The following POLB variants were observed in gnomAD, a reference collection of about 807,000 sequenced individuals.
The protein encoded by POLB is 5'-dRP lyase.
Under a neutral mutation model 52.7 loss-of-function variants are expected in POLB, and 37 were observed. The ratio of observed to expected loss-of-function variants is 0.70; its 90% CI spans 0.54 to 0.92. The LOEUF is 0.92. POLB is among the 40% of genes least tolerant of loss of function. The probability of loss-of-function intolerance (pLI) is 0.00; values close to 1 mark genes in which losing one functional copy is unlikely to be tolerated. For synonymous variants in POLB, 138 were observed against 131.3 expected, an observed-to-expected ratio of 1.05 and a Z score of -0.35; for missense variants, 313 against 400.8, an observed-to-expected ratio of 0.78 and a Z score of 1.87.
chr8:42,352,673 T>C, intron 6 of POLB, 105 bp downstream of exon 6: 2 of 735,602 alleles, frequency 2.7e-6, no homozygotes, highest in African/African-American at 1.8e-5. Context: ...AATCAGTAGA[T>C]ACAAAAGATA....
At chr8:42,371,425 C>CT (rs1046325158) in intron 13 of POLB, 138 bp from the exon 14 acceptor site, 18,353 of 359,858 alleles carry the variant, frequency 0.051, 2 homozygotes, top group Middle Eastern at 0.083. Flanking sequence ...ATCCGCCGGT[C>CT]TTTTTTTTTT....
rs116771501 is a variant in POLB, at chr8:42,340,463, C to T, written c.119+1394C>T. Among the ~76,000 whole-genome samples the T allele has an allele frequency of 3.7e-3, 560 of 152,222 alleles. 3 individuals carry two copies. Among genetic ancestry groups the T allele is most frequent in the African/African-American group, 0.013 (529 of 41,518 alleles). ...TATTTAGACTTGTATCTCCCATATC[C>T]CTAAGATATCTTATTATGTATACGC... On this transcript the variant is annotated intron_variant, in intron 2 of 13. Coordinates refer to ENST00000265421, the MANE Select transcript of POLB (RefSeq NM_002690.3).
intron 9 of POLB, among the ~76,000 whole-genome samples, chr8:42,358,361 G>C (rs936274669): frequency 1.3e-5 from 2 of 152,014 alleles, no homozygotes; most frequent in Non-Finnish European, 2.9e-5. Flanking sequence ...AATTAGCCAA[G>C]CGTAGTGGTG....
chr8:42,359,177 GA>G (rs1192958453), intron 9 of POLB, among the ~76,000 whole-genome samples: 7 of 152,028 alleles, frequency 4.6e-5, no homozygotes, highest in African/African-American at 1.4e-4. Context: ...CTTCCCTATG[GA>G]TTCTTGTAAC....
intron 7 of POLB, 101 bp downstream of exon 7, chr8:42,355,668 A>G: frequency 2.9e-6 from 2 of 685,150 alleles, no homozygotes; most frequent in East Asian, 2.7e-5. Context: ...TAGCTAAACC[A>G]CAACCATTTT....
intron 6 of POLB, chr8:42,354,500 A>C (rs1349827687): frequency 1.6e-6 from 2 of 1,261,538 alleles, no homozygotes. Context: ...TGTTATGACA[A>C]TTCTTAAGTT....
chr8:42,340,879 T>C (rs898986579), intron 2 of POLB, among the ~76,000 whole-genome samples: 2 of 152,246 alleles, frequency 1.3e-5, no homozygotes, highest in African/African-American at 4.8e-5. Flanking sequence ...TACAGAGATA[T>C]TCAACTTTGT....
chr8:42,361,974 T>C (rs1209189764), intron 10 of POLB, among the ~76,000 whole-genome samples: 2 of 152,112 alleles, frequency 1.3e-5, no homozygotes, highest in East Asian at 1.9e-4. Flanking sequence ...TTAGAAAACA[T>C]AGAGATGGCC....
intron 2 of POLB, among the ~76,000 whole-genome samples, chr8:42,343,074 G>A (rs895304503): frequency 1.3e-5 from 2 of 151,740 alleles, no homozygotes; most frequent in Admixed American, 6.6e-5. Flanking sequence ...TGTAATCCCA[G>A]CACTTTGGGA....
Position 42,350,476 on chromosome 8 carries a change from T to C in POLB, c.320+411T>C, listed in dbSNP as rs3136746. The stretch of plus-strand genomic sequence containing the variant: ...AAATTATTTTTTGAGACAGGGTTGC[T>C]ATGTTGCCCATGCTGGTCTTGAACT... On this transcript the variant is annotated intron_variant, in intron 5 of 13. Coordinates refer to ENST00000265421, the MANE Select transcript of POLB (RefSeq NM_002690.3). Among the ~76,000 whole-genome samples the C allele has an allele frequency of 3.6e-3, 544 of 152,290 alleles. 6 individuals are homozygous for C. The highest frequency in any genetic ancestry group is 0.012 in the African/African-American group (513 of 41,564).
Position 42,369,274 on chromosome 8 carries a change from GT to G in POLB, c.715del (p.Cys239AlafsTer21). The G allele has an allele frequency of 6.4e-7, 1 of 1,564,392 alleles. No individual in the cohort carries two copies. The highest frequency in any genetic ancestry group is 8.8e-7 in the Non-Finnish European group (1 of 1,136,306). On this transcript the variant is annotated frameshift_variant, in exon 12 of 14. Coordinates refer to ENST00000265421, the MANE Select transcript of POLB (RefSeq NM_002690.3). LOFTEE classifies it high-confidence loss of function. ...LSKGETKFMG[V>X]CQLPSKNDEK... ...TGGTTTAAAATGTTCATTTTAGGGT[GT>G]TTGCCAGCTTCCCAGTAAAAATGAT...
At chr8:42,359,521 A>ATTTT (rs900964546) in intron 9 of POLB, among the ~76,000 whole-genome samples, 7 of 110,522 alleles carry the variant, frequency 6.3e-5, no homozygotes, top group South Asian at 2.8e-4. Flanking sequence ...CACCCGGCTA[A>ATTTT]TTTTTTTTTT....
At chr8:42,360,787 T>C (rs904092047) in intron 9 of POLB, among the ~76,000 whole-genome samples, 1 of 151,948 alleles carries the variant, frequency 6.6e-6, no homozygotes, top group Non-Finnish European at 1.5e-5. Context: ...TCTCTCTGTG[T>C]TGACTGGGTT....
At chr8:42,354,382 T>C in intron 6 of POLB, 1 of 968,370 alleles carries the variant, frequency 1.0e-6, no homozygotes, top group Non-Finnish European at 1.4e-6. Flanking sequence ...GGAATTGCTT[T>C]TGAAGCATGC....
At chr8:42,362,557 C>G (rs188217843) in intron 10 of POLB, 55 bp from the exon 11 acceptor site, 1 of 1,038,284 alleles carries the variant, frequency 9.6e-7, no homozygotes, top group East Asian at 2.4e-5. Flanking sequence ...TAAATATTTT[C>G]TTGCCATTAC....
At position 42,354,527 on chromosome 8, in the gene POLB, G is replaced by A. The variant is rs147160888; in HGVS notation, c.371-989G>A. 998 of 1,129,418 alleles carry A rather than the reference G, an allele frequency of 8.8e-4. 5 individuals carry two copies. The African/African-American group carries it at 0.014, about 16-fold the overall frequency. The allele number at this position is 1,129,418 out of a possible 1,614,324, so 70.0% of individuals were successfully genotyped here. A position where few individuals can be genotyped will look rare whatever the true frequency, so the allele number is the denominator to read the frequency against. On this transcript the variant is annotated intron_variant, in intron 6 of 13. Transcript: ENST00000265421. ...TCTTAAGTTAAAAAATGCAGGTACAGTAATAATTTTCCTTTCAATGGAATT... is the reference window on the plus strand; with the variant it reads ...TCTTAAGTTAAAAAATGCAGGTACAATAATAATTTTCCTTTCAATGGAATT...
chr8:42,357,272 T>A, intron 8 of POLB, 48 bp from the exon 9 acceptor site: 1 of 1,423,826 alleles, frequency 7.0e-7, no homozygotes, highest in South Asian at 1.2e-5. Flanking sequence ...GAGTGTCACT[T>A]GGTGAAAAGC....
At chr8:42,367,751 T>A (rs1824132319) in intron 11 of POLB, among the ~76,000 whole-genome samples, 1 of 152,194 alleles carries the variant, frequency 6.6e-6, no homozygotes, top group Non-Finnish European at 1.5e-5. Flanking sequence ...AATCATAGTC[T>A]TTAGATAATT....
intron 2 of POLB, chr8:42,339,950 A>G (rs1168388012): frequency 6.6e-6 from 1 of 152,012 alleles, no homozygotes; most frequent in African/African-American, 2.4e-5. Flanking sequence ...TCTAGCTAGC[A>G]CCTTCCCTCT....
Sources: allele counts gnomAD v4.1 joint callset (sites outside exome capture counted in the v4.1 genomes callset), GRCh38; gene constraint gnomAD v4.1.1; transcripts MANE v1.5; gene names NCBI Gene and HGNC (gene_info 2026-07-23, HGNC 2026-07-21).